The following TANGO6 variants were observed in gnomAD, a reference collection of about 807,000 sequenced individuals.
The protein encoded by TANGO6 is transport and golgi organization 6 homolog, also known as transport and Golgi organization protein 6 homolog.
A neutral mutation model predicts 114.2 loss-of-function variants in TANGO6; 90 were observed. That is an observed-to-expected ratio of 0.79 (90% CI 0.66 to 0.94). The LOEUF is 0.94. TANGO6 is among the 40% of genes least tolerant of loss of function. The pLI is 0.00. For synonymous variants in TANGO6, 477 were observed against 509.8 expected, an observed-to-expected ratio of 0.94 and a Z score of 0.87; for missense variants, 1,274 against 1,315.3, an observed-to-expected ratio of 0.97 and a Z score of 0.49.
At position 68,907,207 on chromosome 16, in the gene TANGO6, G is replaced by A. The variant is rs369100123; in HGVS notation, c.1668-236G>A. On this transcript the variant is annotated intron_variant, in intron 9 of 17. Transcript: ENST00000261778. Reference sequence around the variant, plus strand: ...CATTATCCTCCCGCCTTGGCCTCCCGAAGTGCTGCGATTACAGGCGTGAGC... The same window carrying A: ...CATTATCCTCCCGCCTTGGCCTCCCAAAGTGCTGCGATTACAGGCGTGAGC... 6.0e-5 allele frequency among the ~76,000 whole-genome samples: 9 copies of A among 148,954 alleles called. 1 individual carries two copies. Among genetic ancestry groups the A allele is most frequent in the Admixed American group, 6.9e-5 (1 of 14,522 alleles).
chr16:68,980,435 A>ATATATTTT (rs1317961639), intron 15 of TANGO6, among the ~76,000 whole-genome samples: 12 of 61,776 alleles, frequency 1.9e-4, no homozygotes, highest in African/African-American at 5.7e-4. Flanking sequence ...ATATATATAT[A>ATATATTTT]TTTTTTTTTT....
chr16:68,854,040 G>A (rs1225682072), intron 1 of TANGO6, among the ~76,000 whole-genome samples: 1 of 152,040 alleles, frequency 6.6e-6, no homozygotes, highest in Non-Finnish European at 1.5e-5. Context: ...TATATGTACT[G>A]CAAACATTTT....
At chr16:69,027,554 G>A (rs1959522909) in intron 16 of TANGO6, among the ~76,000 whole-genome samples, 2 of 151,830 alleles carry the variant, frequency 1.3e-5, no homozygotes, top group African/African-American at 4.8e-5. Context: ...CAAATATCTT[G>A]TTCTTTAGTA....
At chr16:69,071,342 A>G (rs927884454) in intron 17 of TANGO6, among the ~76,000 whole-genome samples, 1 of 152,124 alleles carries the variant, frequency 6.6e-6, no homozygotes, top group Non-Finnish European at 1.5e-5. Context: ...TTGTCCTTTT[A>G]TATTTAGCAA....
chr16:68,968,893 A>G (rs1318488064), intron 14 of TANGO6, among the ~76,000 whole-genome samples: 2 of 142,822 alleles, frequency 1.4e-5, no homozygotes, highest in African/African-American at 5.2e-5. Context: ...GATGGTCTCG[A>G]TCTCCTGACC....
At chr16:68,905,518 G>A (rs1046061638) in intron 9 of TANGO6, among the ~76,000 whole-genome samples, 10 of 150,304 alleles carry the variant, frequency 6.7e-5, no homozygotes, top group Non-Finnish European at 1.3e-4. Flanking sequence ...CCTAGGTGAC[G>A]AGCGAAACTC....
intron 5 of TANGO6, among the ~76,000 whole-genome samples, chr16:68,876,139 AC>A (rs1962354316): frequency 6.6e-6 from 1 of 151,968 alleles, no homozygotes; most frequent in East Asian, 1.9e-4. Context: ...ATTAACATAT[AC>A]ACATGATGGT....
intron 17 of TANGO6, among the ~76,000 whole-genome samples, chr16:69,052,065 A>G (rs1202294297): frequency 2.0e-5 from 3 of 148,540 alleles, no homozygotes; most frequent in African/African-American, 7.5e-5. Flanking sequence ...CTCCCACCAT[A>G]GCCTCTGAGT....
intron 15 of TANGO6, among the ~76,000 whole-genome samples, chr16:69,015,916 G>A (rs912443057): frequency 6.6e-6 from 1 of 152,084 alleles, no homozygotes; most frequent in East Asian, 1.9e-4. Flanking sequence ...AGAAACAGCC[G>A]TATGATTCCT....
intron 14 of TANGO6, among the ~76,000 whole-genome samples, chr16:68,930,626 G>A (rs565417782): frequency 1.1e-4 from 16 of 150,808 alleles, no homozygotes; most frequent in African/African-American, 2.0e-4. Context: ...TATGTTAGTC[G>A]GCTACTGTCT....
intron 6 of TANGO6, 70 bp from the exon 7 acceptor site, chr16:68,880,478 T>G: frequency 8.8e-7 from 1 of 1,133,688 alleles, no homozygotes; most frequent in Middle Eastern, 2.1e-4. Flanking sequence ...TAAAGCTTCC[T>G]TCCTTAGCTT....
chr16:69,007,038 C>A (rs1168575123), intron 15 of TANGO6: 1 of 152,076 alleles, frequency 6.6e-6, no homozygotes, highest in African/African-American at 2.4e-5. Flanking sequence ...ATAATGTTTT[C>A]TTTTTCTTTT....
chr16:68,946,190 C>T (rs1310648526), intron 14 of TANGO6, among the ~76,000 whole-genome samples: 1 of 150,696 alleles, frequency 6.6e-6, no homozygotes, highest in Non-Finnish European at 1.5e-5. Context: ...GTTTCTTCTT[C>T]TTCTTCTTTT....
chr16:68,917,121 T>G (rs1399938276), intron 11 of TANGO6, among the ~76,000 whole-genome samples: 1 of 152,174 alleles, frequency 6.6e-6, no homozygotes, highest in Non-Finnish European at 1.5e-5. Flanking sequence ...TCTCCATAGT[T>G]TTGCCTTTTC....
rs1441798967 is a variant in TANGO6, at chr16:68,878,250, G to A, written c.1264G>A (p.Ala422Thr). 1.9e-6 allele frequency: 3 copies of A among 1,611,324 alleles called. No homozygotes were observed. The highest frequency in any genetic ancestry group is 2.5e-6 in the Non-Finnish European group (3 of 1,178,926). ...AAAGTATTTGCTCCAGCCAGTGTTA[G>A]CTCCTCTTCATCGATGTTTGAATAC... The part of the protein sequence containing the change: ...AAKYLLQPVL[A>T]PLHRCLNTAE... Residue 422 changes from alanine to threonine, a missense_variant, in exon 6 of 18, where the codon GCT becomes ACT. Physicochemically the swap from Ala to Thr is moderately conservative, Grantham distance 58. This residue lies in a region of TANGO6 where 908 missense variants were observed against 910.2 expected (regional missense o/e 1.00). Transcript: ENST00000261778.
intron 15 of TANGO6, among the ~76,000 whole-genome samples, chr16:68,990,269 A>G (rs1287030663): frequency 6.6e-6 from 1 of 152,210 alleles, no homozygotes; most frequent in Non-Finnish European, 1.5e-5. Context: ...AAAGAGGTTT[A>G]ATGGACTGAC....
intron 15 of TANGO6, among the ~76,000 whole-genome samples, chr16:68,985,122 C>T (rs1416971529): frequency 6.6e-6 from 1 of 152,088 alleles, no homozygotes; most frequent in African/African-American, 2.4e-5. Flanking sequence ...ATCCTCCTGC[C>T]TCGGCCTCCC....
At chr16:68,845,235 T>A (rs1187854301) in intron 1 of TANGO6, among the ~76,000 whole-genome samples, 1 of 152,198 alleles carries the variant, frequency 6.6e-6, no homozygotes, top group African/African-American at 2.4e-5. Flanking sequence ...CCCAAAGTGC[T>A]GGGATTACAG....
chr16:68,882,411 G>A (rs926685772), intron 7 of TANGO6, among the ~76,000 whole-genome samples: 3 of 151,934 alleles, frequency 2.0e-5, no homozygotes, highest in Non-Finnish European at 4.4e-5. Context: ...ACAGGAGAAT[G>A]GCGTGAACCT....
Sources: allele counts gnomAD v4.1 joint callset (sites outside exome capture counted in the v4.1 genomes callset), GRCh38; gene constraint gnomAD v4.1.1; regional missense constraint gnomAD v4.1.1; transcripts MANE v1.5; gene names NCBI Gene and HGNC (gene_info 2026-07-23, HGNC 2026-07-21).